The following EML5 variants were observed in gnomAD, a reference collection of about 807,000 sequenced individuals.
EML5 encodes the protein EMAP like 5.
A neutral mutation model predicts 250.0 loss-of-function variants in EML5; 120 were observed. The ratio of observed to expected loss-of-function variants is 0.48; its 90% CI spans 0.41 to 0.56. EML5 has a LOEUF of 0.56. EML5 is among the 20% of genes least tolerant of loss of function. The pLI, the probability that EML5 is intolerant of heterozygous loss-of-function variation, is 0.00. For missense variants in EML5, 2,006 were observed against 2,437.6 expected, an observed-to-expected ratio of 0.82 and a Z score of 3.73; for synonymous variants, 771 against 806.5, an observed-to-expected ratio of 0.96 and a Z score of 0.75.
At chr14:88,741,169 A>G (rs1457120205) in intron 4 of EML5, among the ~76,000 whole-genome samples, 1 of 152,168 alleles carries the variant, frequency 6.6e-6, no homozygotes, top group African/African-American at 2.4e-5. Flanking sequence ...CTCAAGAAAA[A>G]AAAAAATTTT....
At chr14:88,621,567 T>C (rs2140315136) in intron 37 of EML5, 1 of 480,140 alleles carries the variant, frequency 2.1e-6, no homozygotes, top group East Asian at 3.7e-5. Flanking sequence ...TCTTCAATAA[T>C]CAAAGTTTTT....
rs1383285631 is a variant in EML5, at chr14:88,715,109, A to G, written c.1274T>C (p.Val425Ala). 1.2e-6 allele frequency: 2 copies of G among 1,613,522 alleles called. No individual in the cohort carries two copies. The highest frequency in any genetic ancestry group is 1.7e-6 in the Non-Finnish European group (2 of 1,179,652). ...ATCAACCGAGCTGTCATTGCATCCA[A>G]CAGCAAGGTAAGTTCCATCTGGTGA... is the stretch of plus-strand genomic sequence containing the variant. ...KYSPDGTYLA[V>A]GCNDSSVDIY... is the part of the protein sequence containing the mutation. The change falls in exon 9 of 44, where the codon GTT (valine) becomes GCT (alanine). Residue 425 changes from valine to alanine, a missense_variant. This residue lies in a region of EML5 where 1,375 missense variants were observed against 1,590.3 expected (regional missense o/e 0.86). Transcript: ENST00000554922.
intron 8 of EML5, among the ~76,000 whole-genome samples, chr14:88,723,880 C>T (rs2093626688): frequency 1.3e-5 from 2 of 152,064 alleles, no homozygotes; most frequent in South Asian, 2.1e-4. Flanking sequence ...CCTGGCATAC[C>T]ACCTTATATA....
At chr14:88,708,575 G>C (rs1200596291) in intron 10 of EML5, among the ~76,000 whole-genome samples, 1 of 152,074 alleles carries the variant, frequency 6.6e-6, no homozygotes, top group Admixed American at 6.6e-5. Context: ...TGTAATGTAG[G>C]AAAGAGTAGT....
intron 10 of EML5, among the ~76,000 whole-genome samples, chr14:88,707,051 TGCCTCCTC>T (rs1348542049): frequency 1.3e-5 from 2 of 152,156 alleles, no homozygotes; most frequent in African/African-American, 2.4e-5. Context: ...TTTTGTCTAA[TGCCTCCTC>T]ATGATTAGAT....
chr14:88,621,580 T>C, intron 37 of EML5: 3 of 450,570 alleles, frequency 6.7e-6, no homozygotes, highest in Non-Finnish European at 7.9e-6. Context: ...AAGTTTTTAT[T>C]TGATAATCTT....
At chr14:88,771,283 C>T (rs1205642252) in intron 1 of EML5, among the ~76,000 whole-genome samples, 2 of 152,212 alleles carry the variant, frequency 1.3e-5, no homozygotes, top group African/African-American at 4.8e-5. Context: ...CTGTCTTGTA[C>T]TTAATGATTA....
Position 88,621,206 on chromosome 14 carries a change from C to T in EML5, c.5109G>A (p.Gly1703=). The change falls in exon 38 of 44, where the codon GGG becomes GGA. Residue 1703 remains glycine, a synonymous_variant. Transcript: ENST00000554922. The stretch of plus-strand genomic sequence containing the variant: ...GATGTGTTGCTAGTCCCCAGATTGG[C>T]CCATCCACATGACCGTTAACTAAAA... ...CNILVNGHVD[G]PIWGLATHPS... is the part of the protein sequence containing the mutation. The T allele has an allele frequency of 6.2e-7, 1 of 1,613,916 alleles. No individual in the cohort carries two copies. Among genetic ancestry groups the T allele is most frequent in the Non-Finnish European group, 8.5e-7 (1 of 1,179,860 alleles).
chr14:88,688,319 T>C lies in EML5; in HGVS notation c.2694A>G (p.Thr898=). 5 of 1,614,022 alleles carry C rather than the reference T, an allele frequency of 3.1e-6. No individual in the cohort carries two copies. The highest frequency in any genetic ancestry group is 4.2e-6 in the Non-Finnish European group (5 of 1,179,908). ...CIWRDIFLVK[T]VKAHDGPVFS... is the part of the protein sequence containing the mutation. ...ACACTGGCCCATCATGCGCTTTCACTGTTTTTACAAGAAAGATGTCTCTCC... is the reference window on the plus strand; with the variant it reads ...ACACTGGCCCATCATGCGCTTTCACCGTTTTTACAAGAAAGATGTCTCTCC... Residue 898 remains threonine, a synonymous_variant, in exon 18 of 44, where the codon ACA becomes ACG. Coordinates refer to ENST00000554922, the MANE Select transcript of EML5 (RefSeq NM_183387.3).
intron 32 of EML5, among the ~76,000 whole-genome samples, chr14:88,637,682 A>T (rs1367489073): frequency 6.6e-6 from 1 of 152,192 alleles, no homozygotes; most frequent in Non-Finnish European, 1.5e-5. Context: ...CTCAATAAAA[A>T]TTAACTAAAC....
At chr14:88,634,354 A>G (rs997837884) in intron 33 of EML5, 115 bp downstream of exon 33, 4 of 663,184 alleles carry the variant, frequency 6.0e-6, no homozygotes, top group Non-Finnish European at 4.9e-6. Context: ...TTTGTAAATT[A>G]CCCAGTTCTT....
In EML5 at chr14:88,687,333, GA is replaced by G. The variant is rs748982239; in HGVS notation, c.2743-7del. On this transcript the variant is annotated splice_region_variant and splice_polypyrimidine_tract_variant and intron_variant, in intron 18 of 43. Coordinates refer to ENST00000554922, the MANE Select transcript of EML5 (RefSeq NM_183387.3). ...TTTCCTCCAGTTACAAACCCCTATG[GA>G]AAAAAAAAGGTTCAAGTTAATAAAG... 226 of 1,525,912 alleles carry G rather than the reference GA, an allele frequency of 1.5e-4. No individual in the cohort carries two copies. Among genetic ancestry groups the G allele is most frequent in the Admixed American group, 5.5e-4 (25 of 45,672 alleles). 94.5% of individuals were successfully genotyped at this position (1,525,912 alleles called of 1,614,324 possible). A position where few individuals can be genotyped will look rare whatever the true frequency, so the allele number is the denominator to read the frequency against.
chr14:88,688,241 T>C (rs1406718201), intron 18 of EML5, 30 bp downstream of exon 18: 2 of 1,612,132 alleles, frequency 1.2e-6, no homozygotes, highest in Admixed American at 3.3e-5. Context: ...ACAAATTTTG[T>C]TTAATTTAAA....
intron 8 of EML5, among the ~76,000 whole-genome samples, chr14:88,722,283 T>C (rs1000861646): frequency 1.3e-4 from 20 of 152,292 alleles, no homozygotes; most frequent in Non-Finnish European, 2.5e-4. Context: ...CAAAGAAATA[T>C]AAATCATTCT....
Position 88,744,012 on chromosome 14 carries a change from C to G in EML5, c.525+11G>C, listed in dbSNP as rs754258199. ...AAACGTGACTATTATAAAACAAGAC[C>G]CTTCTAGTACCTTGATATGTTTTAC... is the stretch of plus-strand genomic sequence containing the variant. On this transcript the variant is annotated intron_variant, in intron 4 of 43. Transcript: ENST00000554922. The G allele has an allele frequency of 4.6e-6, 7 of 1,529,898 alleles. No individual in the cohort carries two copies. The highest frequency in any genetic ancestry group is 1.4e-5 in the African/African-American group (1 of 73,120). 94.8% of individuals were successfully genotyped at this position (1,529,898 alleles called of 1,614,324 possible).
chr14:88,726,632 C>T lies in EML5; in HGVS notation c.1096G>A (p.Glu366Lys). 1 of 1,569,880 alleles carries T rather than the reference C, an allele frequency of 6.4e-7. No individual in the cohort carries two copies. Among genetic ancestry groups the T allele is most frequent in the Non-Finnish European group, 8.7e-7 (1 of 1,155,912 alleles). Residue 366 changes from glutamate (E) to lysine (K), a missense_variant, in exon 8 of 44, where the codon GAA (glutamate) becomes AAA (lysine). By Grantham distance (56) the Glu-to-Lys change is moderately conservative (BLOSUM62 1). Coordinates refer to ENST00000554922, the MANE Select transcript of EML5 (RefSeq NM_183387.3). Reference protein sequence around the residue: ...DHALIARCNMEEPIRCAAVNA... With the variant: ...DHALIARCNMKEPIRCAAVNA... ...ACAGCTGCACAACGAATTGGTTCTT[C>T]CATATTACACCTTGCTATTAATGCA... is the stretch of plus-strand genomic sequence containing the variant.
chr14:88,652,913 A>AT (rs1221171143), intron 27 of EML5, among the ~76,000 whole-genome samples: 1 of 151,960 alleles, frequency 6.6e-6, no homozygotes, highest in East Asian at 1.9e-4. Context: ...CACGATATTG[A>AT]TTTTTTCCTA....
intron 20 of EML5, among the ~76,000 whole-genome samples, chr14:88,684,737 A>G (rs972570442): frequency 4.6e-5 from 7 of 152,078 alleles, no homozygotes; most frequent in Non-Finnish European, 7.4e-5. Flanking sequence ...CCATAGAAGA[A>G]TATGTATATT....
intron 33 of EML5, among the ~76,000 whole-genome samples, chr14:88,630,890 C>T (rs920655770): frequency 1.3e-4 from 20 of 152,274 alleles, no homozygotes; most frequent in African/African-American, 4.3e-4. Context: ...GCAGAAGAGA[C>T]GGAAAGTCCC....
Sources: allele counts gnomAD v4.1 joint callset (sites outside exome capture counted in the v4.1 genomes callset), GRCh38; gene constraint gnomAD v4.1.1; regional missense constraint gnomAD v4.1.1; transcripts MANE v1.5; gene names NCBI Gene and HGNC (gene_info 2026-07-23, HGNC 2026-07-21).